The following PSD3 variants were observed in gnomAD, a reference collection of about 807,000 sequenced individuals.
The protein encoded by PSD3 is pleckstrin and Sec7 domain containing 3.
Under a neutral mutation model 105.5 loss-of-function variants are expected in PSD3, and 49 were observed. The observed-to-expected ratio is 0.46, with a 90% CI of 0.37 to 0.59. The LOEUF (loss-of-function observed/expected upper bound fraction) is 0.59, where lower values mean the gene tolerates loss of function less well. Among genes scored for constraint, PSD3 ranks in the 20% least tolerant of loss-of-function variants. The probability of loss-of-function intolerance (pLI) is 0.00; values close to 1 mark genes in which losing one functional copy is unlikely to be tolerated. For missense variants in PSD3, 1,561 were observed against 1,263.8 expected (o/e 1.24, Z -3.57); for synonymous variants, 557 against 457.8 (o/e 1.22, Z -2.77).
At chr8:19,012,221 C>CT (rs1166652459) in intron 1 of PSD3, among the ~76,000 whole-genome samples, 2 of 152,198 alleles carry the variant, frequency 1.3e-5, no homozygotes, top group African/African-American at 4.8e-5. Context: ...AGACAAATCA[C>CT]TTGTGGATGG....
At chr8:18,866,198 A>G (rs2129456426) in intron 4 of PSD3, among the ~76,000 whole-genome samples, 1 of 152,202 alleles carries the variant, frequency 6.6e-6, no homozygotes, top group East Asian at 1.9e-4. Context: ...CAGTCCTCAG[A>G]GACGAAGGTG....
intron 4 of PSD3, among the ~76,000 whole-genome samples, chr8:18,857,823 AG>A (rs1221591735): frequency 1.3e-5 from 2 of 152,166 alleles, no homozygotes; most frequent in Non-Finnish European, 2.9e-5. Context: ...AGAAAATCTC[AG>A]GAGTTCAGTG....
At chr8:19,074,592 C>CATATATATATAT (rs1240382273) in intron 1 of PSD3, among the ~76,000 whole-genome samples, 722 of 65,710 alleles carry the variant, frequency 0.011, 8 homozygotes, top group African/African-American at 0.022. Flanking sequence ...CAGATATATA[C>CATATATATATAT]ATATATATAT....
At chr8:18,943,584 T>G (rs545428324) in intron 1 of PSD3, among the ~76,000 whole-genome samples, 2 of 152,192 alleles carry the variant, frequency 1.3e-5, no homozygotes, top group East Asian at 3.9e-4. Context: ...TGGTAAACTC[T>G]TGAAGTGAAG....
chr8:18,813,499 G>C (rs888261695), intron 4 of PSD3, among the ~76,000 whole-genome samples: 5 of 152,194 alleles, frequency 3.3e-5, no homozygotes, highest in African/African-American at 1.2e-4. Flanking sequence ...GAACACCAAA[G>C]TGCGCCAAAG....
chr8:19,036,443 T>C (rs1322948926), intron 1 of PSD3, among the ~76,000 whole-genome samples: 1 of 152,166 alleles, frequency 6.6e-6, no homozygotes, highest in Non-Finnish European at 1.5e-5. Flanking sequence ...GTCCCATAGC[T>C]GATATCATAC....
At chr8:18,594,427 TATATA>T (rs1357720071) in intron 12 of PSD3, among the ~76,000 whole-genome samples, 51 of 124,438 alleles carry the variant, frequency 4.1e-4, no homozygotes, top group African/African-American at 8.0e-4. Flanking sequence ...ATATACATTA[TATATA>T]ATATATTATA....
rs140414441 is a variant in PSD3, at chr8:18,956,711, C to A, written c.22-20569G>T. 1.9e-3 allele frequency among the ~76,000 whole-genome samples: 291 copies of A among 152,266 alleles called. 1 individual carries two copies. The highest frequency in any genetic ancestry group is 6.1e-3 in the African/African-American group (253 of 41,572). ...GTAAATATAGCACACAACCTTGAGG[C>A]TATTTTAGCAAAGTTTCAGTGCTTT... is the stretch of plus-strand genomic sequence containing the variant. On this transcript the variant is annotated intron_variant, in intron 1 of 15. Coordinates refer to ENST00000327040, the MANE Select transcript of PSD3 (RefSeq NM_015310.4).
intron 1 of PSD3, among the ~76,000 whole-genome samples, chr8:19,083,479 G>C (rs1257601035): frequency 6.6e-6 from 1 of 152,212 alleles, no homozygotes; most frequent in African/African-American, 2.4e-5. Flanking sequence ...AGGCCACACA[G>C]GGCTGCCTTT....
At chr8:18,564,400 G>A (rs552016152) in intron 14 of PSD3, among the ~76,000 whole-genome samples, 4 of 152,148 alleles carry the variant, frequency 2.6e-5, no homozygotes, top group South Asian at 2.1e-4. Context: ...AGGCCGATGC[G>A]GGCGGATCAC....
intron 15 of PSD3, among the ~76,000 whole-genome samples, chr8:18,551,202 G>C (rs1800750490): frequency 6.6e-6 from 1 of 152,044 alleles, no homozygotes; most frequent in Non-Finnish European, 1.5e-5. Context: ...CCCCAATGTT[G>C]ACAAATAAAA....
At chr8:18,845,699 G>A (rs993858112) in intron 4 of PSD3, among the ~76,000 whole-genome samples, 1 of 152,150 alleles carries the variant, frequency 6.6e-6, no homozygotes, top group Admixed American at 6.5e-5. Context: ...CACTTTGAGA[G>A]GGCAAAGCAG....
intron 4 of PSD3, among the ~76,000 whole-genome samples, chr8:18,859,380 C>A (rs1361270374): frequency 1.3e-5 from 2 of 151,952 alleles, no homozygotes; most frequent in African/African-American, 2.4e-5. Context: ...TCTGAAGGGC[C>A]GTAGGATTTT....
chr8:18,592,157 A>G (rs982892518), intron 12 of PSD3, among the ~76,000 whole-genome samples: 3 of 152,214 alleles, frequency 2.0e-5, no homozygotes, highest in Non-Finnish European at 2.9e-5. Flanking sequence ...AAAGATGAAT[A>G]AACAAAATGA....
At chr8:18,796,258 C>T (rs761980526) in intron 8 of PSD3, among the ~76,000 whole-genome samples, 2 of 152,176 alleles carry the variant, frequency 1.3e-5, no homozygotes, top group South Asian at 2.1e-4. Flanking sequence ...AAAACACCTC[C>T]CCAGTGTTTT....
intron 1 of PSD3, among the ~76,000 whole-genome samples, chr8:18,981,300 C>G (rs1825241154): frequency 6.6e-6 from 1 of 152,134 alleles, no homozygotes. Context: ...CACCCCCCAA[C>G]ACACATACAA....
intron 4 of PSD3, among the ~76,000 whole-genome samples, chr8:18,827,717 G>C (rs1036898450): frequency 6.6e-6 from 1 of 151,944 alleles, no homozygotes; most frequent in Non-Finnish European, 1.5e-5. Context: ...TCCATGTAAA[G>C]TAATCAATAC....
chr8:18,881,991 T>G (rs1251212375), intron 2 of PSD3, among the ~76,000 whole-genome samples: 1 of 152,114 alleles, frequency 6.6e-6, no homozygotes, highest in Non-Finnish European at 1.5e-5. Context: ...GAGGTTCACT[T>G]GAGCTCAGGA....
chr8:18,800,911 T>G (rs1485532678), intron 7 of PSD3: 1 of 155,636 alleles, frequency 6.4e-6, no homozygotes, highest in African/African-American at 2.4e-5. Flanking sequence ...ACATAAAATC[T>G]CAGAGTGACA....
Sources: allele counts gnomAD v4.1 joint callset (sites outside exome capture counted in the v4.1 genomes callset), GRCh38; gene constraint gnomAD v4.1.1; transcripts MANE v1.5; gene names NCBI Gene and HGNC (gene_info 2026-07-23, HGNC 2026-07-21).